Variants in POU2F1 observed in about 807,000 individuals in gnomAD.
POU2F1 encodes the protein POU class 2 homeobox 1.
POU2F1 carries 16 observed loss-of-function variants against 84.9 expected under a neutral mutation model. The ratio of observed to expected loss-of-function variants is 0.19; its 90% confidence interval spans 0.13 to 0.29. The LOEUF is 0.29. Among genes scored for constraint, POU2F1 ranks in the 10% least tolerant of loss-of-function variants. POU2F1 has a pLI of 1.00. For synonymous variants in POU2F1, 368 were observed against 368.3 expected (o/e 1.00, Z 0.01); for missense variants, 738 against 942.6 (o/e 0.78, Z 2.84).
chr1:167,296,017 A>T (rs1264442097), intron 1 of POU2F1, among the ~76,000 whole-genome samples: 1 of 148,216 alleles, frequency 6.7e-6, no homozygotes, highest in Non-Finnish European at 1.5e-5. Context: ...AAGCATTACA[A>T]GTAGAAAACT....
rs1266140557 is a variant in POU2F1 at position 167,421,194 on chromosome 1, G to A, written c.*5384G>A. 6.6e-6 allele frequency: 1 copy of A among 152,164 alleles called. No individual in the cohort carries two copies. Among genetic ancestry groups the A allele is most frequent in the Non-Finnish European group, 1.5e-5 (1 of 68,024 alleles). The allele number at this position is 152,164 out of a possible 1,614,324, so 9.4% of individuals were successfully genotyped here. A position where few individuals can be genotyped will look rare whatever the true frequency, so the allele number is the denominator to read the frequency against. ...CGTTTACAAACTTGGCTTTTGAGAAGGGAAAAATCCTCTTTGCTATTTCTG... is the reference window on the plus strand; with the variant it reads ...CGTTTACAAACTTGGCTTTTGAGAAAGGAAAAATCCTCTTTGCTATTTCTG... On this transcript the variant is annotated 3_prime_UTR_variant, in exon 16 of 16. Transcript: ENST00000367866.
chr1:167,420,831 A>C lies in POU2F1; in HGVS notation c.*5021A>C, dbSNP rs1461028490. The C allele has an allele frequency of 1.3e-5, 2 of 152,200 alleles. No homozygotes were observed. The highest frequency in any genetic ancestry group is 2.9e-5 in the Non-Finnish European group (2 of 68,034). 9.4% of individuals were successfully genotyped at this position (152,200 alleles called of 1,614,324 possible). A position where few individuals can be genotyped will look rare whatever the true frequency, so the allele number is the denominator to read the frequency against. On this transcript the variant is annotated 3_prime_UTR_variant, in exon 16 of 16. Coordinates refer to ENST00000367866, the MANE Select transcript of POU2F1 (RefSeq NM_002697.4). The stretch of plus-strand genomic sequence containing the variant: ...TGAAGACCAGTCTGCAGTTTGAGGA[A>C]GGGCCCCAACAATTCATTTGGAGAG...
chr1:167,221,640 C>T (rs12729183), intron 1 of POU2F1, among the ~76,000 whole-genome samples: 1 of 150,858 alleles, frequency 6.6e-6, no homozygotes, highest in Non-Finnish European at 1.5e-5. Flanking sequence ...CCGCGCCCCG[C>T]GCGGGGCTGA....
intron 5 of POU2F1, among the ~76,000 whole-genome samples, chr1:167,373,809 T>A (rs1278105507): frequency 1.3e-5 from 2 of 152,166 alleles, no homozygotes; most frequent in African/African-American, 4.8e-5. Context: ...TCATATCTTG[T>A]CAGTGGTGAT....
In POU2F1 at chr1:167,399,339, G is replaced by C. The variant is rs1357715029; in HGVS notation, c.1423G>C (p.Ala475Pro). The C allele has an allele frequency of 1.2e-6, 2 of 1,613,214 alleles. No homozygotes were observed. Among genetic ancestry groups the C allele is most frequent in the Non-Finnish European group, 1.7e-6 (2 of 1,179,588 alleles). The change falls in exon 12 of 16, where the codon GCA (alanine) becomes CCA (proline). Residue 475 changes from alanine to proline, a missense_variant. By Grantham distance (27) the Ala-to-Pro change is conservative. This residue lies in a region of POU2F1 where 319 missense variants were observed against 386.0 expected (regional missense o/e 0.83). Coordinates refer to ENST00000367866, the MANE Select transcript of POU2F1 (RefSeq NM_002697.4). ...SGGTSSSPIK[A>P]IFPSPTSLVA... ...TGGGACCAGCAGCTCACCTATTAAA[G>C]CAATTTTCCCCAGCCCAACTTCACT...
intron 9 of POU2F1, among the ~76,000 whole-genome samples, chr1:167,394,997 G>A (rs912604732): frequency 3.9e-5 from 6 of 152,210 alleles, no homozygotes; most frequent in African/African-American, 1.2e-4. Context: ...AGAGTTGGCT[G>A]TCTCATAGTA....
intron 1 of POU2F1, among the ~76,000 whole-genome samples, chr1:167,239,351 A>G (rs368417867): frequency 5.3e-5 from 8 of 152,224 alleles, no homozygotes; most frequent in African/African-American, 1.9e-4. Flanking sequence ...TGCTATCAAG[A>G]CATAGTTAAC....
At chr1:167,334,483 T>C (rs1474034100) in intron 2 of POU2F1, among the ~76,000 whole-genome samples, 1 of 152,148 alleles carries the variant, frequency 6.6e-6, no homozygotes, top group African/African-American at 2.4e-5. Context: ...AGCCAGGAAA[T>C]AAAGTCAGGT....
rs540675245 is a variant in POU2F1 at position 167,290,676 on chromosome 1, G to C, written c.62-41794G>C. Reference sequence around the variant, plus strand: ...GTGAGTGAATGTGTGAACATTTTATGAAATTATCTTTAAGAGTAGTTACTC... The same window carrying C: ...GTGAGTGAATGTGTGAACATTTTATCAAATTATCTTTAAGAGTAGTTACTC... On this transcript the variant is annotated intron_variant, in intron 1 of 15. Coordinates refer to ENST00000367866, the MANE Select transcript of POU2F1 (RefSeq NM_002697.4). Among the ~76,000 whole-genome samples the C allele has an allele frequency of 2.0e-5, 3 of 152,288 alleles. No individual in the cohort carries two copies. The South Asian group carries it at 6.2e-4, about 32-fold the overall frequency.
chr1:167,341,658 G>A (rs1355560952), intron 2 of POU2F1, among the ~76,000 whole-genome samples: 11 of 152,124 alleles, frequency 7.2e-5, no homozygotes, highest in Admixed American at 7.2e-4. Context: ...AGTGTCTAGG[G>A]GTGGGTGTCT....
chr1:167,383,085 A>C (rs538316537), intron 7 of POU2F1, among the ~76,000 whole-genome samples: 2 of 152,212 alleles, frequency 1.3e-5, no homozygotes, highest in Admixed American at 6.5e-5. Flanking sequence ...AATACTTTCT[A>C]CCATTGCTCT....
At chr1:167,302,258 TTTCTTTTC>T (rs1654755899) in intron 1 of POU2F1, among the ~76,000 whole-genome samples, 2 of 151,762 alleles carry the variant, frequency 1.3e-5, no homozygotes, top group African/African-American at 2.4e-5. Flanking sequence ...TAATTTTTTT[TTTCTTTTC>T]TTTTTTTTTT....
chr1:167,407,583 G>A (rs2101933526), intron 13 of POU2F1, among the ~76,000 whole-genome samples: 1 of 152,286 alleles, frequency 6.6e-6, no homozygotes, highest in South Asian at 2.1e-4. Context: ...TAAGAGTCCA[G>A]AAGCAAAACT....
At chr1:167,399,637 G>T (rs1306476437) in intron 12 of POU2F1, among the ~76,000 whole-genome samples, 2 of 151,870 alleles carry the variant, frequency 1.3e-5, no homozygotes, top group Non-Finnish European at 2.9e-5. Flanking sequence ...ATTAACCCAA[G>T]AACTTATTGG....
intron 1 of POU2F1, among the ~76,000 whole-genome samples, chr1:167,324,874 G>A (rs1369705043): frequency 6.6e-6 from 1 of 152,154 alleles, no homozygotes; most frequent in Non-Finnish European, 1.5e-5. Flanking sequence ...TATTCTAAAA[G>A]ATTTTTGGTG....
intron 9 of POU2F1, 141 bp downstream of exon 9, chr1:167,389,902 T>G (rs549322593): frequency 3.4e-5 from 30 of 879,268 alleles, no homozygotes; most frequent in Admixed American, 1.0e-4. Flanking sequence ...GATGGTCATG[T>G]CTGTACTGAA....
chr1:167,239,430 A>G (rs750313448), intron 1 of POU2F1, among the ~76,000 whole-genome samples: 1 of 152,214 alleles, frequency 6.6e-6, no homozygotes, highest in Non-Finnish European at 1.5e-5. Context: ...AAAAGAACAT[A>G]TGTAAAAGTG....
chr1:167,254,841 T>C (rs764200597), intron 1 of POU2F1, among the ~76,000 whole-genome samples: 2 of 152,242 alleles, frequency 1.3e-5, no homozygotes, highest in Non-Finnish European at 2.9e-5. Flanking sequence ...TAGGTGATTT[T>C]TGTTGACTAT....
chr1:167,383,953 T>C lies in POU2F1; in HGVS notation c.813+2T>C. 1 of 1,608,070 alleles carries C rather than the reference T, an allele frequency of 6.2e-7. No individual in the cohort carries two copies. Among genetic ancestry groups the C allele is most frequent in the Non-Finnish European group, 8.5e-7 (1 of 1,175,882 alleles). Reference sequence around the variant, plus strand: ...CCAAGCATCACCCTCACCTCCCAGGTCAGTTTTCTTCTATGGGGGCTGCTT... The same window carrying C: ...CCAAGCATCACCCTCACCTCCCAGGCCAGTTTTCTTCTATGGGGGCTGCTT... On this transcript the variant is annotated splice_donor_variant, in intron 8 of 15. Coordinates refer to ENST00000367866, the MANE Select transcript of POU2F1 (RefSeq NM_002697.4). LOFTEE classifies it high-confidence loss of function.
Sources: allele counts gnomAD v4.1 joint callset (sites outside exome capture counted in the v4.1 genomes callset), GRCh38; gene constraint gnomAD v4.1.1; regional missense constraint gnomAD v4.1.1; transcripts MANE v1.5; gene names NCBI Gene and HGNC (gene_info 2026-07-23, HGNC 2026-07-21).